Variants in FBN2 observed in about 807,000 individuals in gnomAD.
FBN2 encodes the protein fibrillin 2, also known as fibrillin-2.
FBN2 carries 105 observed loss-of-function variants against 355.6 expected under a neutral mutation model. That is an observed-to-expected ratio of 0.30 (90% confidence interval 0.25 to 0.35). The LOEUF (loss-of-function observed/expected upper bound fraction) is 0.35, where lower values mean the gene tolerates loss of function less well. FBN2 is among the 10% of genes least tolerant of loss of function. FBN2 has a pLI of 1.00. For missense variants in FBN2, 3,280 were observed against 3,758.7 expected, an observed-to-expected ratio of 0.87 and a Z score of 3.33; for synonymous variants, 1,350 against 1,301.2, an observed-to-expected ratio of 1.04 and a Z score of -0.81.
At chr5:128,358,921 T>C (rs1455926623) in intron 19 of FBN2, among the ~76,000 whole-genome samples, 2 of 152,016 alleles carry the variant, frequency 1.3e-5, no homozygotes, top group African/African-American at 4.8e-5. Context: ...ATATCAACTA[T>C]TTAGTTTTCC....
intron 48 of FBN2, among the ~76,000 whole-genome samples, chr5:128,298,189 T>C (rs1259441555): frequency 1.3e-5 from 2 of 151,954 alleles, no homozygotes; most frequent in South Asian, 4.1e-4. Flanking sequence ...GCTTGTAGAG[T>C]TTCTGCCGAG....
intron 64 of FBN2, among the ~76,000 whole-genome samples, chr5:128,260,562 G>C (rs1332181604): frequency 2.0e-5 from 3 of 152,216 alleles, no homozygotes; most frequent in Admixed American, 2.0e-4. Context: ...GTGCCCATCA[G>C]TGTTCAGGCA....
At chr5:128,400,436 T>C (rs1021473554) in intron 8 of FBN2, among the ~76,000 whole-genome samples, 2 of 152,002 alleles carry the variant, frequency 1.3e-5, no homozygotes, top group African/African-American at 4.8e-5. Context: ...CAGTGGAATA[T>C]TTACATGACT....
At chr5:128,365,518 T>C (rs2126941912) in intron 17 of FBN2, 1 of 152,258 alleles carries the variant, frequency 6.6e-6, no homozygotes. Flanking sequence ...ATTTTATACT[T>C]GGGAAAAACA....
In FBN2 at chr5:128,334,761, G is replaced by C; in HGVS notation, c.4057C>G (p.Gln1353Glu). ...CCCTTCTTCACTGAGTAACCCAGCT[G>C]ACAGTGGCAAATGAAGGATCCCTTT... ...NTKGSFICHCQLGYSVKKGTT... is the reference protein window; with the variant it reads ...NTKGSFICHCELGYSVKKGTT... Residue 1353 changes from glutamine to glutamate, a missense_variant, in exon 31 of 65, where the codon CAG becomes GAG. Gln to Glu is a conservative substitution (Grantham distance 29). Coordinates refer to ENST00000262464, the MANE Select transcript of FBN2 (RefSeq NM_001999.4). 3 of 1,613,944 alleles carry C rather than the reference G, an allele frequency of 1.9e-6. No homozygotes were observed. Among genetic ancestry groups the C allele is most frequent in the Non-Finnish European group, 2.5e-6 (3 of 1,179,776 alleles).
At chr5:128,482,146 T>A (rs1039475725) in intron 5 of FBN2, among the ~76,000 whole-genome samples, 1 of 151,974 alleles carries the variant, frequency 6.6e-6, no homozygotes, top group Non-Finnish European at 1.5e-5. Flanking sequence ...AAAACCATAG[T>A]CAAAATATAT....
At chr5:128,489,567 GAA>G (rs1351051169) in intron 5 of FBN2, among the ~76,000 whole-genome samples, 3 of 152,036 alleles carry the variant, frequency 2.0e-5, no homozygotes, top group African/African-American at 7.2e-5. Flanking sequence ...TCATGAATGA[GAA>G]ATGATAAAAT....
chr5:128,259,699 A>T lies in FBN2; in HGVS notation c.8495T>A (p.Ile2832Asn), dbSNP rs754482658. 5 of 1,613,738 alleles carry T rather than the reference A, an allele frequency of 3.1e-6. No individual in the cohort carries two copies. The East Asian group carries it at 1.1e-4, about 36-fold the overall frequency. ...RPAIQPLNNH[I>N]RYVISQGNDD... ...GTTCCCTTGAGAGATGACATAACGG[A>T]TGTGGTTGTTGAGGGGCTGGATGGC... is the stretch of plus-strand genomic sequence containing the variant. Residue 2832 changes from isoleucine to asparagine, a missense_variant, in exon 65 of 65, where the codon ATC becomes AAC. Physicochemically the swap from Ile to Asn is moderately radical, Grantham distance 149 (BLOSUM62 -3). Coordinates refer to ENST00000262464, the MANE Select transcript of FBN2 (RefSeq NM_001999.4).
chr5:128,420,140 T>G (rs1753309236), intron 7 of FBN2, among the ~76,000 whole-genome samples: 3 of 152,182 alleles, frequency 2.0e-5, no homozygotes, highest in African/African-American at 7.2e-5. Context: ...TGAGTTAAAT[T>G]CTTATTTTAC....
intron 5 of FBN2, among the ~76,000 whole-genome samples, chr5:128,474,397 T>C (rs1408013309): frequency 6.6e-6 from 1 of 152,130 alleles, no homozygotes; most frequent in African/African-American, 2.4e-5. Context: ...CTTAGGAAAA[T>C]CTGTACTATC....
chr5:128,409,647 A>G lies in FBN2; in HGVS notation c.953-848T>C, dbSNP rs116272622. Among the ~76,000 whole-genome samples, 1,127 of 152,292 alleles carry G rather than the reference A, an allele frequency of 7.4e-3. 12 individuals carry two copies. The highest frequency in any genetic ancestry group is 0.025 in the African/African-American group (1,057 of 41,556). The stretch of plus-strand genomic sequence containing the variant: ...TAAAAAGGAAATGAGTCATTGTGAG[A>G]AAAATCCACCCAAATTCCTGGGAGG... On this transcript the variant is annotated intron_variant, in intron 7 of 64. Transcript: ENST00000262464.
chr5:128,477,807 G>A (rs1050542504), intron 5 of FBN2, among the ~76,000 whole-genome samples: 4 of 152,214 alleles, frequency 2.6e-5, no homozygotes, highest in South Asian at 2.1e-4. Context: ...ATCATGGTGC[G>A]AGGGGGCTGG....
intron 56 of FBN2, among the ~76,000 whole-genome samples, chr5:128,279,807 C>A (rs994760064): frequency 1.9e-4 from 29 of 152,034 alleles, no homozygotes; most frequent in Admixed American, 3.9e-4. Flanking sequence ...TAAAAAGTAA[C>A]CTTCCCTGCA....
chr5:128,327,220 C>G (rs146716752), intron 34 of FBN2, among the ~76,000 whole-genome samples: 1 of 152,214 alleles, frequency 6.6e-6, no homozygotes, highest in South Asian at 2.1e-4. Context: ...CGTAGAAGCA[C>G]GAACGCTTTC....
intron 7 of FBN2, among the ~76,000 whole-genome samples, chr5:128,429,051 C>T (rs1753552975): frequency 6.6e-6 from 1 of 152,226 alleles, no homozygotes; most frequent in Non-Finnish European, 1.5e-5. Context: ...CATCTGTTTT[C>T]TGTGAGGCCC....
At chr5:128,361,662 G>C in intron 19 of FBN2, 61 bp downstream of exon 19, 1 of 1,572,526 alleles carries the variant, frequency 6.4e-7, no homozygotes, top group South Asian at 1.1e-5. Context: ...CACTGTAATT[G>C]ATGTTTATAC....
At chr5:128,407,469 C>T (rs550361785) in intron 8 of FBN2, among the ~76,000 whole-genome samples, 1 of 152,152 alleles carries the variant, frequency 6.6e-6, no homozygotes, top group South Asian at 2.1e-4. Context: ...TGCCTGACTC[C>T]TCACAGCTAT....
chr5:128,318,118 C>T, intron 36 of FBN2, 31 bp downstream of exon 36: 1 of 1,610,884 alleles, frequency 6.2e-7, no homozygotes. Flanking sequence ...CTTGATAATT[C>T]TATTTGTTTG....
At chr5:128,477,258 A>T (rs1243661533) in intron 5 of FBN2, among the ~76,000 whole-genome samples, 1 of 152,210 alleles carries the variant, frequency 6.6e-6, no homozygotes, top group South Asian at 2.1e-4. Context: ...CACAAAGAGC[A>T]TTTCCATCAT....
Sources: gnomAD v4.1 joint callset for allele counts (sites outside exome capture counted in the v4.1 genomes callset) on GRCh38, gnomAD v4.1.1 for gene constraint, MANE v1.5 for transcripts, NCBI Gene and HGNC (gene_info 2026-07-23, HGNC 2026-07-21) for gene names.